NELL1: variants seen among roughly 807,000 people sequenced by gnomAD.
NELL1 encodes protein kinase C-binding protein NELL1.
In NELL1, 76 loss-of-function variants were observed where a neutral mutation model predicts 107.4. The ratio of observed to expected loss-of-function variants is 0.71; its 90% CI spans 0.59 to 0.86. NELL1 has a LOEUF of 0.86. NELL1 is among the 40% of genes least tolerant of loss of function. The pLI is 0.00. For synonymous variants in NELL1, 353 were observed against 341.2 expected, an observed-to-expected ratio of 1.03 and a Z score of -0.38; for missense variants, 1,024 against 1,005.5, an observed-to-expected ratio of 1.02 and a Z score of -0.25.
At chr11:21,142,191 C>T (rs142768186) in intron 13 of NELL1, among the ~76,000 whole-genome samples, 171 of 152,306 alleles carry the variant, frequency 1.1e-3, no homozygotes, top group African/African-American at 3.9e-3. Flanking sequence ...CAGCTGGGGG[C>T]GTCTGCTGAT....
intron 17 of NELL1, among the ~76,000 whole-genome samples, chr11:21,563,299 T>C (rs1856894187): frequency 6.6e-6 from 1 of 152,086 alleles, no homozygotes; most frequent in Non-Finnish European, 1.5e-5. Context: ...GTCCCCAGCT[T>C]ATTCGTTTCT....
At chr11:21,486,245 A>G (rs147318707) in intron 15 of NELL1, among the ~76,000 whole-genome samples, 1 of 152,282 alleles carries the variant, frequency 6.6e-6, no homozygotes, top group African/African-American at 2.4e-5. Context: ...TGCTCAGCTG[A>G]CTGCTGCCAC....
intron 12 of NELL1, among the ~76,000 whole-genome samples, chr11:21,051,685 G>A (rs1853496785): frequency 6.6e-6 from 1 of 152,042 alleles, no homozygotes; most frequent in African/African-American, 2.4e-5. Flanking sequence ...GAGTGGTGGG[G>A]GATAAGGAAG....
intron 12 of NELL1, among the ~76,000 whole-genome samples, chr11:21,033,798 T>G (rs1019988589): frequency 1.3e-5 from 2 of 152,188 alleles, no homozygotes; most frequent in Non-Finnish European, 2.9e-5. Context: ...CTGTTTTTTG[T>G]CTTTGAGGAA....
At chr11:21,095,389 A>G (rs1157934918) in intron 12 of NELL1, among the ~76,000 whole-genome samples, 1 of 152,126 alleles carries the variant, frequency 6.6e-6, no homozygotes, top group Non-Finnish European at 1.5e-5. Context: ...CTCTGCCTGT[A>G]ACCCAGTTCC....
At chr11:21,551,886 C>T (rs976294375) in intron 16 of NELL1, among the ~76,000 whole-genome samples, 27 of 149,004 alleles carry the variant, frequency 1.8e-4, no homozygotes, top group African/African-American at 6.6e-4. Flanking sequence ...TGGAACCAAC[C>T]CAAATGTCCA....
At position 21,191,297 on chromosome 11, in the gene NELL1, T is replaced by C. The variant is rs761049001; in HGVS notation, c.1427-38035T>C. On this transcript the variant is annotated intron_variant, in intron 13 of 19. Transcript: ENST00000357134. Reference sequence around the variant, plus strand: ...AAAGCAAGAAAGAGAGAACCACGCATATAGCAGCATGAGAAGGACGTGGCT... The same window carrying C: ...AAAGCAAGAAAGAGAGAACCACGCACATAGCAGCATGAGAAGGACGTGGCT... Among the ~76,000 whole-genome samples the C allele has an allele frequency of 8.6e-5, 13 of 151,742 alleles. 1 individual carries two copies. The highest frequency in any genetic ancestry group is 1.5e-4 in the Non-Finnish European group (10 of 68,030).
At chr11:20,770,683 T>C (rs1275319501) in intron 2 of NELL1, 4 of 152,186 alleles carry the variant, frequency 2.6e-5, no homozygotes, top group Non-Finnish European at 4.4e-5. Context: ...GATGTGCTTT[T>C]TAGGACAGTG....
chr11:21,115,669 G>T (rs1178126844), intron 13 of NELL1, among the ~76,000 whole-genome samples: 1 of 151,588 alleles, frequency 6.6e-6, no homozygotes, highest in African/African-American at 2.4e-5. Context: ...CATGAGAACC[G>T]CCCTCCCTCC....
intron 14 of NELL1, among the ~76,000 whole-genome samples, chr11:21,298,837 C>T (rs1231837048): frequency 6.6e-6 from 1 of 152,000 alleles, no homozygotes; most frequent in Non-Finnish European, 1.5e-5. Flanking sequence ...CCCTGTCACT[C>T]TTCTACCTGA....
chr11:20,954,849 C>A (rs1851139066), intron 11 of NELL1, among the ~76,000 whole-genome samples: 1 of 152,132 alleles, frequency 6.6e-6, no homozygotes, highest in African/African-American at 2.4e-5. Flanking sequence ...ATGGTACATG[C>A]TTAATAGAAA....
At chr11:21,426,885 C>A (rs1466685479) in intron 15 of NELL1, among the ~76,000 whole-genome samples, 1 of 152,098 alleles carries the variant, frequency 6.6e-6, no homozygotes, top group Non-Finnish European at 1.5e-5. Flanking sequence ...CCATCTGGAG[C>A]ACTGGCATGG....
intron 1 of NELL1, among the ~76,000 whole-genome samples, chr11:20,674,193 C>G (rs1426060511): frequency 6.6e-6 from 1 of 152,144 alleles, no homozygotes; most frequent in Non-Finnish European, 1.5e-5. Context: ...ATTTTACTAG[C>G]AAACCCAGCG....
intron 12 of NELL1, among the ~76,000 whole-genome samples, chr11:21,003,781 AT>A (rs1249070531): frequency 2.0e-5 from 3 of 151,682 alleles, no homozygotes; most frequent in African/African-American, 2.4e-5. Flanking sequence ...CCTTTTTTTA[AT>A]TTTTTTATTT....
intron 2 of NELL1, among the ~76,000 whole-genome samples, chr11:20,720,068 G>T (rs569180887): frequency 1.3e-5 from 2 of 152,146 alleles, no homozygotes; most frequent in Non-Finnish European, 2.9e-5. Flanking sequence ...TAATTGGCCT[G>T]CCCAAAGCCT....
At chr11:21,353,433 A>C (rs1356478782) in intron 14 of NELL1, among the ~76,000 whole-genome samples, 1 of 152,164 alleles carries the variant, frequency 6.6e-6, no homozygotes, top group Non-Finnish European at 1.5e-5. Context: ...TTAAATCCAG[A>C]TTTGTCTGTT....
intron 14 of NELL1, among the ~76,000 whole-genome samples, chr11:21,314,185 G>C (rs147536215): frequency 6.1e-4 from 93 of 152,054 alleles, no homozygotes; most frequent in African/African-American, 2.2e-3. Context: ...CCAGTGTCAG[G>C]TATTTCTTTA....
At chr11:21,025,364 AG>A (rs1454696421) in intron 12 of NELL1, among the ~76,000 whole-genome samples, 1 of 151,960 alleles carries the variant, frequency 6.6e-6, no homozygotes, top group East Asian at 1.9e-4. Flanking sequence ...AGCAAGGTTA[AG>A]TAACTTCCCA....
chr11:20,754,569 G>A (rs1421209047), intron 2 of NELL1, among the ~76,000 whole-genome samples: 1 of 152,172 alleles, frequency 6.6e-6, no homozygotes, highest in Non-Finnish European at 1.5e-5. Context: ...AGGAAATTAT[G>A]CAGGGTCTCC....
Sources: allele counts gnomAD v4.1 joint callset (sites outside exome capture counted in the v4.1 genomes callset), GRCh38; gene constraint gnomAD v4.1.1; transcripts MANE v1.5; gene names NCBI Gene and HGNC (gene_info 2026-07-23, HGNC 2026-07-21).